The following GPD2 variants were observed in gnomAD, a reference collection of about 807,000 sequenced individuals.
GPD2 encodes the protein glycerol-3-phosphate dehydrogenase 2.
In GPD2, 54 loss-of-function variants were observed where a neutral mutation model predicts 82.4. The observed-to-expected ratio is 0.66, with a 90% CI of 0.53 to 0.82. The LOEUF (loss-of-function observed/expected upper bound fraction) is 0.82. GPD2 is among the 40% of genes least tolerant of loss of function. The pLI, the probability that GPD2 is intolerant of heterozygous loss-of-function variation, is 0.00. For synonymous variants in GPD2, 288 were observed against 306.1 expected, an observed-to-expected ratio of 0.94 and a Z score of 0.62; for missense variants, 748 against 896.2, an observed-to-expected ratio of 0.83 and a Z score of 2.11.
At chr2:156,512,386 A>G in intron 5 of GPD2, 69 bp downstream of exon 5, 2 of 806,796 alleles carry the variant, frequency 2.5e-6, no homozygotes, top group Non-Finnish European at 4.5e-6. Context: ...TTTTAATGGA[A>G]ATAATCCCTC....
intron 6 of GPD2, among the ~76,000 whole-genome samples, chr2:156,529,924 T>A (rs1685780544): frequency 6.6e-6 from 1 of 152,188 alleles, no homozygotes; most frequent in Non-Finnish European, 1.5e-5. Context: ...CGATGTGGGC[T>A]CTTTTTTGGT....
chr2:156,529,258 T>G (rs1298588275), intron 6 of GPD2, among the ~76,000 whole-genome samples: 11 of 151,232 alleles, frequency 7.3e-5, no homozygotes, highest in East Asian at 1.9e-4. Context: ...GTCTGTTCAT[T>G]TCCTTCGCCC....
chr2:156,477,211 C>T (rs1003424316), intron 2 of GPD2, among the ~76,000 whole-genome samples: 1 of 152,084 alleles, frequency 6.6e-6, no homozygotes, highest in Non-Finnish European at 1.5e-5. Flanking sequence ...CAGGCAGATC[C>T]CTTGAGCCCA....
intron 1 of GPD2, among the ~76,000 whole-genome samples, chr2:156,472,570 C>A (rs769560140): frequency 6.6e-5 from 10 of 152,152 alleles, no homozygotes; most frequent in Non-Finnish European, 1.3e-4. Flanking sequence ...GATCTACCCA[C>A]CTCAGCCTCC....
chr2:156,513,399 C>T lies in GPD2; in HGVS notation c.564C>T (p.Cys188=). The T allele has an allele frequency of 1.9e-6, 3 of 1,612,014 alleles. No individual in the cohort carries two copies. The highest frequency in any genetic ancestry group is 2.5e-6 in the Non-Finnish European group (3 of 1,178,612). Residue 188 remains cysteine, a synonymous_variant, in exon 6 of 17, where the codon TGC becomes TGT. Coordinates refer to ENST00000438166, the MANE Select transcript of GPD2 (RefSeq NM_000408.5). ...ATGATTTGGTTGCAGGAAGCAATTGCCTAAAAAGCAGTTATGTCCTCAGCA... is the reference window on the plus strand; with the variant it reads ...ATGATTTGGTTGCAGGAAGCAATTGTCTAAAAAGCAGTTATGTCCTCAGCA... ...KLYDLVAGSN[C]LKSSYVLSKS... is the part of the protein sequence containing the mutation.
intron 6 of GPD2, among the ~76,000 whole-genome samples, chr2:156,517,596 A>G (rs1216675966): frequency 1.3e-5 from 2 of 152,214 alleles, no homozygotes; most frequent in Non-Finnish European, 2.9e-5. Flanking sequence ...GCTGGCCATT[A>G]CTGCTGATAA....
At chr2:156,415,358 C>T in the GPD2 span, among the ~76,000 whole-genome samples, 1 of 151,850 alleles carries the variant, frequency 6.6e-6, no homozygotes. Context: ...TGGGGTTTCA[C>T]CATGTTGGCC....
intron 1 of GPD2, among the ~76,000 whole-genome samples, chr2:156,449,061 C>G (rs1047028183): frequency 6.6e-6 from 1 of 152,214 alleles, no homozygotes. Flanking sequence ...ACCCTGTCTT[C>G]TTCTTACAAA....
At chr2:156,451,884 G>A (rs959974488) in intron 1 of GPD2, among the ~76,000 whole-genome samples, 8 of 151,158 alleles carry the variant, frequency 5.3e-5, no homozygotes, top group Non-Finnish European at 1.0e-4. Flanking sequence ...AGACGGGGCG[G>A]CCGGGCAGAG....
At position 156,571,362 on chromosome 2, in the gene GPD2, A is replaced by G. The variant is rs567871341; in HGVS notation, c.1767+70A>G. 8 of 959,290 alleles carry G rather than the reference A, an allele frequency of 8.3e-6. No homozygotes were observed. In the African/African-American group the frequency reaches 1.3e-4, roughly 16 times the overall value. The allele number at this position is 959,290 out of a possible 1,614,324, so 59.4% of individuals were successfully genotyped here. ...CGGAATGGCTTAATTTGTTAGTAGA[A>G]GCTAGCGTAGTTTTTGATGATAACC... On this transcript the variant is annotated intron_variant, in intron 13 of 16. Transcript: ENST00000438166.
chr2:156,402,928 TAACA>T, the GPD2 span, among the ~76,000 whole-genome samples: 1 of 152,032 alleles, frequency 6.6e-6, no homozygotes, highest in African/African-American at 2.4e-5. Context: ...ACGTGTAACC[TAACA>T]AACAAAGGCA....
chr2:156,423,749 A>G, the GPD2 span, among the ~76,000 whole-genome samples: 10 of 152,212 alleles, frequency 6.6e-5, no homozygotes, highest in African/African-American at 2.4e-4. Context: ...AGTGTTTGTC[A>G]TTCCATTTTT....
chr2:156,509,804 C>T (rs141884116), intron 3 of GPD2, among the ~76,000 whole-genome samples: 3,606 of 127,006 alleles, frequency 0.028, 100 homozygotes, highest in Admixed American at 0.1. Flanking sequence ...GATGGAGTCT[C>T]ACCCTGTCAC....
the GPD2 span, among the ~76,000 whole-genome samples, chr2:156,401,195 T>C: frequency 6.6e-6 from 1 of 152,180 alleles, no homozygotes; most frequent in Non-Finnish European, 1.5e-5. Flanking sequence ...CAGGCGAGAA[T>C]TCTACCACTG....
chr2:156,580,813 TG>T lies in GPD2; in HGVS notation c.2058+1027del, dbSNP rs542656232. 1.1e-3 allele frequency among the ~76,000 whole-genome samples: 175 copies of T among 152,324 alleles called. 1 individual carries two copies. Among genetic ancestry groups the T allele is most frequent in the African/African-American group, 4.0e-3 (167 of 41,568 alleles). On this transcript the variant is annotated intron_variant, in intron 16 of 16. Coordinates refer to ENST00000438166, the MANE Select transcript of GPD2 (RefSeq NM_000408.5). ...GTCCAGCATTACAAAAAAGAATGTTTGGTTCTTTAGCTTACTGTTTAACTAA... is the reference window on the plus strand; with the variant it reads ...GTCCAGCATTACAAAAAAGAATGTTTGTTCTTTAGCTTACTGTTTAACTAA...
chr2:156,558,102 A>G (rs986962492), intron 9 of GPD2, among the ~76,000 whole-genome samples: 1 of 152,182 alleles, frequency 6.6e-6, no homozygotes, highest in African/African-American at 2.4e-5. Flanking sequence ...CTTCCTTCCT[A>G]TTCTTACTGG....
chr2:156,568,163 G>A (rs1391896924), intron 9 of GPD2, among the ~76,000 whole-genome samples: 1 of 152,106 alleles, frequency 6.6e-6, no homozygotes, highest in Admixed American at 6.6e-5. Context: ...TAAGATATTT[G>A]CCTTGGCCAG....
intron 3 of GPD2, among the ~76,000 whole-genome samples, chr2:156,502,751 G>T (rs1202107379): frequency 7.4e-6 from 1 of 134,696 alleles, no homozygotes; most frequent in Non-Finnish European, 1.7e-5. Context: ...AAATCCTTTT[G>T]TTATGTTATA....
At chr2:156,431,787 G>T (rs1265489608), upstream of GPD2, among the ~76,000 whole-genome samples, 3 of 150,666 alleles carry the variant, frequency 2.0e-5, no homozygotes, top group Non-Finnish European at 4.4e-5. Context: ...AGGCTAGAAA[G>T]AAAAATTTGT....
Sources: gnomAD v4.1 joint callset for allele counts (sites outside exome capture counted in the v4.1 genomes callset) on GRCh38, gnomAD v4.1.1 for gene constraint, MANE v1.5 for transcripts, NCBI Gene and HGNC (gene_info 2026-07-23, HGNC 2026-07-21) for gene names.